The following CEACAM4 variants were observed in gnomAD, a reference collection of about 807,000 sequenced individuals.
CEACAM4 encodes CEA cell adhesion molecule 4.
CEACAM4 carries 30 observed loss-of-function variants against 28.7 expected under a neutral mutation model. The ratio of observed to expected loss-of-function variants is 1.05; its 90% CI spans 0.78 to 1.42. The LOEUF is 1.42. Ranked by LOEUF, CEACAM4 falls within the 40% of genes most tolerant of loss-of-function variation. The probability of loss-of-function intolerance (pLI) is 0.00; values close to 1 mark genes in which losing one functional copy is unlikely to be tolerated. For synonymous variants in CEACAM4, 143 were observed against 126.5 expected, an observed-to-expected ratio of 1.13 and a Z score of -0.87; for missense variants, 330 against 308.2, an observed-to-expected ratio of 1.07 and a Z score of -0.53.
rs188813655 is a variant in CEACAM4, at chr19:41,620,199, G to A, written c.627+12C>T. 18,267 of 1,493,158 alleles carry A rather than the reference G, an allele frequency of 0.012. 129 individuals carry two copies. Among genetic ancestry groups the A allele is most frequent in the Non-Finnish European group, 0.014 (16,263 of 1,126,350 alleles). The allele number at this position is 1,493,158 out of a possible 1,614,324, so 92.5% of individuals were successfully genotyped here. On this transcript the variant is annotated intron_variant, in intron 5 of 6. Coordinates refer to ENST00000221954, the MANE Select transcript of CEACAM4 (RefSeq NM_001817.4). ...CCCCAGTAGAAAAGGGCTGGGGAGG[G>A]AACAGGCTTACCGAGAAGGTGGATC... is the stretch of plus-strand genomic sequence containing the variant.
chr19:41,619,721 G>A lies in CEACAM4; in HGVS notation c.628-10C>T. Reference sequence around the variant, plus strand: ...GGCTGGGTAGAGGGGCCTGGGCAGGGGAGAGAGGAGATGTCAGGGGACAGG... The same window carrying A: ...GGCTGGGTAGAGGGGCCTGGGCAGGAGAGAGAGGAGATGTCAGGGGACAGG... On this transcript the variant is annotated splice_polypyrimidine_tract_variant and intron_variant, in intron 5 of 6. Coordinates refer to ENST00000221954, the MANE Select transcript of CEACAM4 (RefSeq NM_001817.4). 1 of 1,560,564 alleles carries A rather than the reference G, an allele frequency of 6.4e-7. No homozygotes were observed. Among genetic ancestry groups the A allele is most frequent in the Non-Finnish European group, 8.7e-7 (1 of 1,152,748 alleles).
At chr19:41,624,652 G>A (rs1340473236) in intron 2 of CEACAM4, among the ~76,000 whole-genome samples, 2 of 152,214 alleles carry the variant, frequency 1.3e-5, no homozygotes, top group Non-Finnish European at 2.9e-5. Context: ...GAGAGGACGT[G>A]GCAGCAGCTG....
chr19:41,621,369 T>TCTCCCTCC (rs1173233796), intron 3 of CEACAM4, among the ~76,000 whole-genome samples: 2 of 151,878 alleles, frequency 1.3e-5, no homozygotes, highest in Admixed American at 6.6e-5. Flanking sequence ...TCCCGTCTTA[T>TCTCCCTCC]CTCCCTCCCT....
chr19:41,620,244 TG>T lies in CEACAM4; in HGVS notation c.596-3del. The T allele has an allele frequency of 6.8e-7, 1 of 1,475,586 alleles. No homozygotes were observed. The highest frequency in any genetic ancestry group is 2.6e-5 in the East Asian group (1 of 38,934). 91.4% of individuals were successfully genotyped at this position (1,475,586 alleles called of 1,614,324 possible). ...TGGATCTGTGAGAGGGACCATGGCC[TG>T]GGGACAGAGACAGGAGTGAGCAGCA... is the stretch of plus-strand genomic sequence containing the variant. On this transcript the variant is annotated splice_region_variant and splice_polypyrimidine_tract_variant and intron_variant, in intron 4 of 6. Transcript: ENST00000221954.
downstream of CEACAM4, among the ~76,000 whole-genome samples, chr19:41,614,707 A>G (rs1555798610): frequency 2.6e-5 from 4 of 152,146 alleles, no homozygotes; most frequent in African/African-American, 9.7e-5. Context: ...TTCTGGTTCC[A>G]CAGGTGACAC....
At chr19:41,623,175 C>T (rs571986699) in intron 2 of CEACAM4, among the ~76,000 whole-genome samples, 2 of 152,266 alleles carry the variant, frequency 1.3e-5, no homozygotes, top group African/African-American at 4.8e-5. Flanking sequence ...CACCACCATG[C>T]CTGCCTAATT....
chr19:41,619,607 G>A (rs782660743), intron 6 of CEACAM4, 63 bp downstream of exon 6: 14 of 1,568,168 alleles, frequency 8.9e-6, no homozygotes, highest in African/African-American at 4.1e-5. Context: ...CCAGGTGCTG[G>A]TGGGGGCAGA....
chr19:41,621,606 G>A (rs1182408539), intron 3 of CEACAM4, 45 bp downstream of exon 3: 1 of 1,072,844 alleles, frequency 9.3e-7, no homozygotes, highest in African/African-American at 1.5e-5. Context: ...TCCCTGACTG[G>A]GGTCAGCCTA....
At chr19:41,623,984 C>T (rs1163186022) in intron 2 of CEACAM4, among the ~76,000 whole-genome samples, 1 of 152,120 alleles carries the variant, frequency 6.6e-6, no homozygotes, top group Non-Finnish European at 1.5e-5. Context: ...TGAGACTCAG[C>T]TCCCAGGGGC....
chr19:41,625,450 A>G, intron 2 of CEACAM4, 151 bp downstream of exon 2: 2 of 882,510 alleles, frequency 2.3e-6, no homozygotes, highest in South Asian at 1.7e-5. Flanking sequence ...GTTGAAGTTT[A>G]CCTACCATGT....
At position 41,626,800 on chromosome 19, in the gene CEACAM4, G is replaced by C. The variant is rs1263168448; in HGVS notation, c.64+100C>G. On this transcript the variant is annotated intron_variant, in intron 1 of 6. Transcript: ENST00000221954. Reference sequence around the variant, plus strand: ...CCTCAGTCCCCTCTCAGAGCCCCAGGAGACCCCAGCCAGAAGCCCTCTATC... The same window carrying C: ...CCTCAGTCCCCTCTCAGAGCCCCAGCAGACCCCAGCCAGAAGCCCTCTATC... 1.2e-5 allele frequency: 12 copies of C among 989,768 alleles called. No individual in the cohort carries two copies. In the East Asian group the frequency reaches 3.3e-4, roughly 28 times the overall value. 61.3% of individuals were successfully genotyped at this position (989,768 alleles called of 1,614,324 possible). A position where few individuals can be genotyped will look rare whatever the true frequency, so the allele number is the denominator to read the frequency against.
intron 2 of CEACAM4, among the ~76,000 whole-genome samples, chr19:41,625,142 C>T (rs1299615547): frequency 2.6e-5 from 4 of 152,208 alleles, no homozygotes; most frequent in African/African-American, 9.6e-5. Context: ...GAACCACAGC[C>T]CGCAGACATC....
downstream of CEACAM4, among the ~76,000 whole-genome samples, chr19:41,618,119 T>C (rs2071032326): frequency 6.6e-6 from 1 of 152,122 alleles, no homozygotes; most frequent in African/African-American, 2.4e-5. Flanking sequence ...ATCATCACCC[T>C]TCCAGGGGCC....
At chr19:41,618,084 C>T (rs781979220), downstream of CEACAM4, among the ~76,000 whole-genome samples, 4 of 138,680 alleles carry the variant, frequency 2.9e-5, no homozygotes, top group Admixed American at 1.4e-4. Flanking sequence ...GAAGGTGGCA[C>T]CTGGTTCAAG....
chr19:41,624,821 A>T (rs1251638762), intron 2 of CEACAM4, among the ~76,000 whole-genome samples: 1 of 152,206 alleles, frequency 6.6e-6, no homozygotes, highest in African/African-American at 2.4e-5. Context: ...TATTCACAGG[A>T]TCTGACATGA....
chr19:41,626,828 C>G (rs2122632191), intron 1 of CEACAM4, 72 bp downstream of exon 1: 1 of 1,409,698 alleles, frequency 7.1e-7, no homozygotes, highest in East Asian at 2.4e-5. Flanking sequence ...CCTCTATCCC[C>G]TCCTACCCAA....
At position 41,620,198 on chromosome 19, in the gene CEACAM4, G is replaced by T. The variant is rs1463633150; in HGVS notation, c.627+13C>A. On this transcript the variant is annotated intron_variant, in intron 5 of 6. Transcript: ENST00000221954. The stretch of plus-strand genomic sequence containing the variant: ...ACCCCAGTAGAAAAGGGCTGGGGAG[G>T]GAACAGGCTTACCGAGAAGGTGGAT... The T allele has an allele frequency of 2.7e-6, 4 of 1,493,254 alleles. No homozygotes were observed. Among genetic ancestry groups the T allele is most frequent in the Non-Finnish European group, 3.6e-6 (4 of 1,126,566 alleles). 92.5% of individuals were successfully genotyped at this position (1,493,254 alleles called of 1,614,324 possible). A position where few individuals can be genotyped will look rare whatever the true frequency, so the allele number is the denominator to read the frequency against.
At position 41,625,199 on chromosome 19, in the gene CEACAM4, C is replaced by G. The variant is rs141663088; in HGVS notation, c.424+402G>C. 7.9e-4 allele frequency among the ~76,000 whole-genome samples: 121 copies of G among 152,324 alleles called. 1 individual carries two copies. The South Asian group carries it at 0.011, about 14-fold the overall frequency. On this transcript the variant is annotated intron_variant, in intron 2 of 6. Transcript: ENST00000221954. ...AAGCCCTGCCCAGGAGACCACACCCCAGCCCTGACACAGGCTTCCCGGGGT... is the reference window on the plus strand; with the variant it reads ...AAGCCCTGCCCAGGAGACCACACCCGAGCCCTGACACAGGCTTCCCGGGGT...
chr19:41,626,053 T>C, intron 1 of CEACAM4, 93 bp from the exon 2 acceptor site: 1 of 1,116,220 alleles, frequency 9.0e-7, no homozygotes, highest in East Asian at 2.4e-5. Flanking sequence ...TCCTCATCCC[T>C]CAGCCTTGGA....
Sources: allele counts gnomAD v4.1 joint callset (sites outside exome capture counted in the v4.1 genomes callset), GRCh38; gene constraint gnomAD v4.1.1; transcripts MANE v1.5; gene names NCBI Gene and HGNC (gene_info 2026-07-23, HGNC 2026-07-21).